XPR1: variants seen among roughly 807,000 people sequenced by gnomAD.
XPR1 encodes the protein solute carrier family 53 member 1.
Under a neutral mutation model 87.5 loss-of-function variants are expected in XPR1, and 28 were observed. That is an observed-to-expected ratio of 0.32 (90% CI 0.24 to 0.44). XPR1 has a LOEUF of 0.44. Among genes scored for constraint, XPR1 ranks in the 20% least tolerant of loss-of-function variants. The pLI is 1.00. For synonymous variants in XPR1, 300 were observed against 306.1 expected (o/e 0.98, Z 0.21); for missense variants, 559 against 862.3 (o/e 0.65, Z 4.41).
intron 1 of XPR1, among the ~76,000 whole-genome samples, chr1:180,672,487 G>T (rs1656213177): frequency 6.6e-6 from 1 of 152,126 alleles, no homozygotes; most frequent in Admixed American, 6.5e-5. Context: ...TAGAAATGAA[G>T]ATTATTTAGT....
intron 1 of XPR1, among the ~76,000 whole-genome samples, chr1:180,643,063 G>A (rs528595243): frequency 6.6e-6 from 1 of 152,110 alleles, no homozygotes; most frequent in Non-Finnish European, 1.5e-5. Flanking sequence ...AAGACTGAAG[G>A]GTGTGTAATA....
intron 1 of XPR1, among the ~76,000 whole-genome samples, chr1:180,632,478 C>T (rs1191399889): frequency 3.3e-5 from 5 of 152,124 alleles, no homozygotes; most frequent in Non-Finnish European, 7.4e-5. Context: ...CCGCTGCCGC[C>T]GGGGTAACGG....
chr1:180,715,435 T>C (rs888896287), intron 2 of XPR1, among the ~76,000 whole-genome samples: 10 of 152,140 alleles, frequency 6.6e-5, no homozygotes, highest in African/African-American at 2.2e-4. Flanking sequence ...TTTTTTATCA[T>C]AGGAAACCAA....
At chr1:180,843,825 G>T (rs1485297967) in intron 11 of XPR1, among the ~76,000 whole-genome samples, 1 of 152,060 alleles carries the variant, frequency 6.6e-6, no homozygotes, top group Non-Finnish European at 1.5e-5. Flanking sequence ...CATAAATTAT[G>T]TTGCATTTGT....
chr1:180,784,026 G>A (rs1021771754), intron 2 of XPR1, among the ~76,000 whole-genome samples: 1 of 151,868 alleles, frequency 6.6e-6, no homozygotes, highest in African/African-American at 2.4e-5. Context: ...TTGCATTCCA[G>A]CCTGGGTGAC....
chr1:180,744,393 A>C (rs1191509610), intron 2 of XPR1, among the ~76,000 whole-genome samples: 3 of 151,860 alleles, frequency 2.0e-5, no homozygotes, highest in African/African-American at 7.3e-5. Flanking sequence ...ATTCCTTTCT[A>C]TTCCTTTCAA....
rs1323734654 is a variant in XPR1, at chr1:180,632,059, G to C, written c.-143G>C. ...AGGAAGATGGCGGGCGGGCTGCTCT[G>C]AAGAGACCTCGGCGGCGGCGGAGGA... On this transcript the variant is annotated 5_prime_UTR_variant, in exon 1 of 15. An upstream open reading frame in the 5' UTR loses its in-frame stop. Transcript: ENST00000367590. 1 of 948,974 alleles carries C rather than the reference G, an allele frequency of 1.1e-6. No homozygotes were observed. The highest frequency in any genetic ancestry group is 1.7e-6 in the Non-Finnish European group (1 of 603,442). 58.8% of individuals were successfully genotyped at this position (948,974 alleles called of 1,614,324 possible). A position where few individuals can be genotyped will look rare whatever the true frequency, so the allele number is the denominator to read the frequency against.
chr1:180,800,907 T>C (rs1649755922), intron 3 of XPR1, among the ~76,000 whole-genome samples: 1 of 152,168 alleles, frequency 6.6e-6, no homozygotes, highest in Non-Finnish European at 1.5e-5. Context: ...TAAGAGGTAG[T>C]GACTCTCTGT....
intron 13 of XPR1, among the ~76,000 whole-genome samples, chr1:180,874,523 C>G (rs952079661): frequency 1.3e-5 from 2 of 151,972 alleles, no homozygotes; most frequent in Non-Finnish European, 2.9e-5. Flanking sequence ...AACGCTGTCT[C>G]TGCTAAAAAT....
intron 2 of XPR1, among the ~76,000 whole-genome samples, chr1:180,756,914 C>G (rs1232644839): frequency 6.6e-6 from 1 of 152,184 alleles, no homozygotes; most frequent in Non-Finnish European, 1.5e-5. Flanking sequence ...AAAGACTAGT[C>G]TTTCTCACAT....
intron 2 of XPR1, among the ~76,000 whole-genome samples, chr1:180,715,518 A>G (rs1657958318): frequency 6.6e-6 from 1 of 152,174 alleles, no homozygotes; most frequent in Non-Finnish European, 1.5e-5. Context: ...TTGGATTTTC[A>G]GTTTCTGGAG....
At chr1:180,651,904 A>T (rs1655304336) in intron 1 of XPR1, among the ~76,000 whole-genome samples, 1 of 152,190 alleles carries the variant, frequency 6.6e-6, no homozygotes, top group Non-Finnish European at 1.5e-5. Flanking sequence ...AAATTAACTG[A>T]TGTGCTGATT....
At chr1:180,849,329 T>G (rs1651792886) in intron 11 of XPR1, among the ~76,000 whole-genome samples, 1 of 152,206 alleles carries the variant, frequency 6.6e-6, no homozygotes, top group African/African-American at 2.4e-5. Context: ...TGACTCTAGA[T>G]TCATTCCTTT....
chr1:180,710,522 G>C (rs1033336256), intron 2 of XPR1, among the ~76,000 whole-genome samples: 3 of 152,150 alleles, frequency 2.0e-5, no homozygotes, highest in African/African-American at 7.2e-5. Flanking sequence ...TTGGGGGTAA[G>C]GTCACAGATC....
intron 12 of XPR1, among the ~76,000 whole-genome samples, chr1:180,873,095 A>G (rs1458225999): frequency 1.3e-5 from 2 of 152,132 alleles, no homozygotes; most frequent in East Asian, 3.8e-4. Context: ...AAATACATAT[A>G]TTTAAAGAGC....
intron 1 of XPR1, among the ~76,000 whole-genome samples, chr1:180,640,564 C>T (rs1262620112): frequency 1.3e-5 from 2 of 152,240 alleles, no homozygotes; most frequent in Admixed American, 1.3e-4. Flanking sequence ...TGTTCTTAGG[C>T]ACCGCTGACC....
chr1:180,764,334 A>G (rs1324630116), intron 2 of XPR1, among the ~76,000 whole-genome samples: 5 of 152,170 alleles, frequency 3.3e-5, no homozygotes, highest in Admixed American at 6.5e-5. Context: ...ATACCTCATT[A>G]TATATATGCA....
At chr1:180,863,950 C>T (rs1159128925) in intron 12 of XPR1, 76 bp downstream of exon 12, 3 of 1,203,198 alleles carry the variant, frequency 2.5e-6, no homozygotes, top group South Asian at 2.7e-5. Context: ...CAGTACAGAC[C>T]CAACCTCTAA....
chr1:180,679,448 A>G (rs900718845), intron 1 of XPR1, among the ~76,000 whole-genome samples: 1 of 152,190 alleles, frequency 6.6e-6, no homozygotes, highest in South Asian at 2.1e-4. Context: ...CACAGCAAAA[A>G]AATTATCTAG....
Sources: allele counts gnomAD v4.1 joint callset (sites outside exome capture counted in the v4.1 genomes callset), GRCh38; gene constraint gnomAD v4.1.1; transcripts MANE v1.5; gene names NCBI Gene and HGNC (gene_info 2026-07-23, HGNC 2026-07-21).